PARD3B: variants seen among roughly 807,000 people sequenced by gnomAD.
The protein encoded by PARD3B is partitioning defective 3 homolog B.
PARD3B carries 103 observed loss-of-function variants against 130.2 expected under a neutral mutation model. That is an observed-to-expected ratio of 0.79 (90% CI 0.67 to 0.93). The LOEUF (loss-of-function observed/expected upper bound fraction) is 0.93. Among genes scored for constraint, PARD3B ranks in the 40% least tolerant of loss-of-function variants. The pLI, the probability that PARD3B is intolerant of heterozygous loss-of-function variation, is 0.00. For synonymous variants in PARD3B, 583 were observed against 553.2 expected (o/e 1.05, Z -0.76); for missense variants, 1,609 against 1,499.2 (o/e 1.07, Z -1.21).
intron 15 of PARD3B, among the ~76,000 whole-genome samples, chr2:205,208,584 CAG>C (rs1249949658): frequency 2.1e-5 from 3 of 142,344 alleles, no homozygotes; most frequent in Non-Finnish European, 4.6e-5. Flanking sequence ...AACAGACAAA[CAG>C]AGAGCCAAAT....
At chr2:205,506,919 TG>T (rs954834891) in intron 21 of PARD3B, among the ~76,000 whole-genome samples, 16 of 152,348 alleles carry the variant, frequency 1.1e-4, no homozygotes, top group African/African-American at 3.4e-4. Context: ...CAGGCAAAGC[TG>T]GATCCAACTC....
intron 22 of PARD3B, among the ~76,000 whole-genome samples, chr2:205,557,425 G>A (rs750612149): frequency 6.6e-6 from 1 of 152,172 alleles, no homozygotes; most frequent in Non-Finnish European, 1.5e-5. Context: ...ATGACCTTGA[G>A]GCATTCAACG....
chr2:204,735,522 G>C (rs999253332), intron 2 of PARD3B, among the ~76,000 whole-genome samples: 6 of 152,100 alleles, frequency 3.9e-5, no homozygotes, highest in African/African-American at 1.4e-4. Flanking sequence ...TCTTCAAAAA[G>C]TTATGTCAAA....
At chr2:205,200,698 G>A (rs2036941212) in intron 15 of PARD3B, among the ~76,000 whole-genome samples, 1 of 152,196 alleles carries the variant, frequency 6.6e-6, no homozygotes, top group Non-Finnish European at 1.5e-5. Flanking sequence ...AGATGGTAAA[G>A]ATGTATACAG....
chr2:205,020,581 G>C (rs1211068972), intron 3 of PARD3B, among the ~76,000 whole-genome samples: 1 of 152,094 alleles, frequency 6.6e-6, no homozygotes, highest in Non-Finnish European at 1.5e-5. Flanking sequence ...GCAAGGGGAA[G>C]AGTTGATATT....
intron 21 of PARD3B, among the ~76,000 whole-genome samples, chr2:205,513,890 C>T (rs938057823): frequency 2.6e-5 from 4 of 152,176 alleles, no homozygotes; most frequent in Middle Eastern, 3.4e-3. Context: ...CAAGAATTAA[C>T]GAGATAGATT....
chr2:205,520,710 C>T (rs1242636353), intron 21 of PARD3B, among the ~76,000 whole-genome samples: 2 of 151,910 alleles, frequency 1.3e-5, no homozygotes, highest in African/African-American at 4.8e-5. Context: ...ATATGCATAA[C>T]ATGTAGTAAT....
At chr2:204,629,098 A>G (rs373945010) in intron 1 of PARD3B, among the ~76,000 whole-genome samples, 5 of 152,280 alleles carry the variant, frequency 3.3e-5, no homozygotes, top group African/African-American at 7.2e-5. Context: ...AAAAGACCTC[A>G]TGAAGTTGGA....
chr2:205,106,991 A>G lies in PARD3B; in HGVS notation c.593+2477A>G, dbSNP rs1038491967. Among the ~76,000 whole-genome samples the G allele has an allele frequency of 3.9e-5, 6 of 152,350 alleles. No homozygotes were observed. In the East Asian group the frequency reaches 5.8e-4, roughly 15 times the overall value. On this transcript the variant is annotated intron_variant, in intron 5 of 22. Coordinates refer to ENST00000406610, the MANE Select transcript of PARD3B (RefSeq NM_001302769.2). ...CAATTCTGTCTGAATTACATGGTCC[A>G]TATGCTCCTGGGGCAGGGAGAATCT...
chr2:204,937,091 TG>T (rs567756645), intron 2 of PARD3B, among the ~76,000 whole-genome samples: 14 of 152,218 alleles, frequency 9.2e-5, no homozygotes, highest in African/African-American at 3.4e-4. Context: ...AAGAGCTCTT[TG>T]GGGGGTCCCA....
In PARD3B at chr2:205,491,687, A is replaced by G. The variant is rs74882214; in HGVS notation, c.3045-8209A>G. On this transcript the variant is annotated intron_variant, in intron 20 of 22. Coordinates refer to ENST00000406610, the MANE Select transcript of PARD3B (RefSeq NM_001302769.2). ...AGCCCAGGGTTAAGATTTCCAAGAC[A>G]AGTCTTCGAGCTATAGGAGTCAAAG... 3.2e-4 allele frequency among the ~76,000 whole-genome samples: 48 copies of G among 152,322 alleles called. 1 individual carries two copies. The East Asian group carries it at 6.0e-3, about 19-fold the overall frequency.
chr2:205,076,499 AT>A (rs1176052973), intron 4 of PARD3B, among the ~76,000 whole-genome samples: 2 of 152,142 alleles, frequency 1.3e-5, no homozygotes, highest in African/African-American at 4.8e-5. Context: ...TGTTCCACAG[AT>A]TTCTAGCTCT....
At position 204,906,145 on chromosome 2, in the gene PARD3B, G is replaced by A. The variant is rs923525765; in HGVS notation, c.223-59007G>A. Among the ~76,000 whole-genome samples the A allele has an allele frequency of 6.6e-6, 1 of 152,122 alleles. No individual in the cohort carries two copies. Among genetic ancestry groups the A allele is most frequent in the Admixed American group, 6.5e-5 (1 of 15,274 alleles). On this transcript the variant is annotated intron_variant, in intron 2 of 22. Coordinates refer to ENST00000406610, the MANE Select transcript of PARD3B (RefSeq NM_001302769.2). This position sits in a 1 kb window ranked among gnomAD's most constrained non-coding sequence, Gnocchi z 4.3. ...TAGTGCCAACTCTTATTTCTCATCT[G>A]GACTGGGTAGCTGGTTAAATAATTT...
At chr2:204,551,467 T>C (rs1390458399) in intron 1 of PARD3B, among the ~76,000 whole-genome samples, 1 of 152,202 alleles carries the variant, frequency 6.6e-6, no homozygotes, top group East Asian at 1.9e-4. Context: ...ATTTTCTCAC[T>C]TATGGCCTTA....
chr2:204,793,150 A>G (rs1360772088), intron 2 of PARD3B, among the ~76,000 whole-genome samples: 3 of 152,236 alleles, frequency 2.0e-5, no homozygotes, highest in Non-Finnish European at 4.4e-5. Flanking sequence ...TGCAAAATAT[A>G]TGAGGCTTGC....
chr2:205,598,615 G>A lies in PARD3B; in HGVS notation c.3261-16841G>A, dbSNP rs572305083. 2.6e-5 allele frequency among the ~76,000 whole-genome samples: 4 copies of A among 152,270 alleles called. No homozygotes were observed. The South Asian group carries it at 8.3e-4, about 32-fold the overall frequency. On this transcript the variant is annotated intron_variant, in intron 22 of 22. Coordinates refer to ENST00000406610, the MANE Select transcript of PARD3B (RefSeq NM_001302769.2). ...CTTAAACTCCATACTTGACCTATTG[G>A]ACCTAATAGGCATCTACAAAATACT...
chr2:205,295,371 C>G (rs899117069), intron 16 of PARD3B, among the ~76,000 whole-genome samples: 11 of 152,094 alleles, frequency 7.2e-5, no homozygotes, highest in African/African-American at 2.7e-4. Context: ...TGCTGTGACC[C>G]CTGGATGGCA....
chr2:204,784,365 T>C (rs1028232771), intron 2 of PARD3B, among the ~76,000 whole-genome samples: 2 of 152,176 alleles, frequency 1.3e-5, no homozygotes, highest in Admixed American at 1.3e-4. Context: ...GCGAGGGCTA[T>C]ATTTTTGTTC....
At chr2:205,517,093 C>T (rs1047093930) in intron 21 of PARD3B, among the ~76,000 whole-genome samples, 2 of 152,090 alleles carry the variant, frequency 1.3e-5, no homozygotes, top group African/African-American at 4.8e-5. Flanking sequence ...GTCGAATCAA[C>T]CTTGCATCTC....
Sources: gnomAD v4.1 joint callset for allele counts (sites outside exome capture counted in the v4.1 genomes callset) on GRCh38, gnomAD v4.1.1 for gene constraint, Gnocchi (gnomAD v3.1) non-coding constraint, MANE v1.5 for transcripts, NCBI Gene and HGNC (gene_info 2026-07-23, HGNC 2026-07-21) for gene names.